Variants in PKIA observed in about 807,000 individuals in gnomAD.
PKIA encodes cAMP-dependent protein kinase inhibitor alpha, also known as PKI-alpha.
A neutral mutation model predicts 7.6 loss-of-function variants in PKIA; 4 were observed. The ratio of observed to expected loss-of-function variants is 0.52; its 90% CI spans 0.26 to 1.20. PKIA has a LOEUF of 1.20. Ranked by LOEUF, PKIA falls within the 50% of genes most tolerant of loss-of-function variation. The pLI, the probability that PKIA is intolerant of heterozygous loss-of-function variation, is 0.13. For missense variants in PKIA, 73 were observed against 86.2 expected, an observed-to-expected ratio of 0.85 and a Z score of 0.61; for synonymous variants, 21 against 30.7, an observed-to-expected ratio of 0.68 and a Z score of 1.04.
chr8:78,574,997 T>C (rs1180729122), intron 2 of PKIA, among the ~76,000 whole-genome samples: 1 of 151,988 alleles, frequency 6.6e-6, no homozygotes, highest in Non-Finnish European at 1.5e-5. Context: ...GAAAGTTCTC[T>C]AAGTACAAAA....
At chr8:78,575,870 T>C (rs768869945) in intron 2 of PKIA, among the ~76,000 whole-genome samples, 1 of 152,022 alleles carries the variant, frequency 6.6e-6, no homozygotes, top group Non-Finnish European at 1.5e-5. Flanking sequence ...ACAGAGTCTA[T>C]GGCTTCAGTA....
At chr8:78,572,465 T>C (rs989183357) in intron 1 of PKIA, among the ~76,000 whole-genome samples, 4 of 151,568 alleles carry the variant, frequency 2.6e-5, no homozygotes, top group Non-Finnish European at 2.9e-5. Flanking sequence ...AAAACTTGCC[T>C]TTTTTGCCCG....
intron 1 of PKIA, among the ~76,000 whole-genome samples, chr8:78,531,282 A>C (rs1449780311): frequency 1.3e-5 from 2 of 152,098 alleles, no homozygotes; most frequent in Non-Finnish European, 2.9e-5. Flanking sequence ...AAATAATATC[A>C]TGGCTTGAGA....
intron 1 of PKIA, among the ~76,000 whole-genome samples, chr8:78,562,078 A>AT (rs1296103561): frequency 5.9e-5 from 9 of 152,178 alleles, no homozygotes; most frequent in Admixed American, 2.6e-4. Flanking sequence ...CTTTTTCTAC[A>AT]TAAAACCTCT....
chr8:78,543,641 T>C (rs1806750428), intron 1 of PKIA, among the ~76,000 whole-genome samples: 1 of 152,182 alleles, frequency 6.6e-6, no homozygotes, highest in Non-Finnish European at 1.5e-5. Context: ...GCCTAGAGGC[T>C]GGTATGGTGG....
chr8:78,603,762 ACTTCT>A lies in PKIA; in HGVS notation c.*1947_*1951del, dbSNP rs1036322584. The A allele has an allele frequency of 1.4e-4, 21 of 152,088 alleles. No individual in the cohort carries two copies. Among genetic ancestry groups the A allele is most frequent in the African/African-American group, 4.6e-4 (19 of 41,534 alleles). 9.4% of individuals were successfully genotyped at this position (152,088 alleles called of 1,614,324 possible). Reference sequence around the variant, plus strand: ...TTTAATAGGTTTCTTGTGAATTTAAACTTCTCTTCTTTCTTAAGGTTGTGAAATTC... The same window carrying A: ...TTTAATAGGTTTCTTGTGAATTTAAACTTCTTTCTTAAGGTTGTGAAATTC... On this transcript the variant is annotated 3_prime_UTR_variant, in exon 4 of 4. Transcript: ENST00000396418.
chr8:78,573,363 A>C lies in PKIA; in HGVS notation c.-28+424A>C, dbSNP rs541064355. 1.8e-4 allele frequency among the ~76,000 whole-genome samples: 28 copies of C among 152,040 alleles called. No homozygotes were observed. The East Asian group carries it at 5.2e-3, about 28-fold the overall frequency. On this transcript the variant is annotated intron_variant, in intron 2 of 3. Coordinates refer to ENST00000396418, the MANE Select transcript of PKIA (RefSeq NM_006823.4). ...AACAGTCCTAATGAATGATGTAAGG[A>C]AGTTGTTTTGGTTCCTATGGGGCAC... is the stretch of plus-strand genomic sequence containing the variant.
intron 1 of PKIA, among the ~76,000 whole-genome samples, chr8:78,552,919 G>A (rs1314614344): frequency 6.6e-6 from 1 of 151,810 alleles, no homozygotes; most frequent in Non-Finnish European, 1.5e-5. Flanking sequence ...ATAAAGAAAG[G>A]AAGGCTCTTA....
At chr8:78,555,491 C>T (rs1807108086) in intron 1 of PKIA, among the ~76,000 whole-genome samples, 1 of 152,024 alleles carries the variant, frequency 6.6e-6, no homozygotes, top group African/African-American at 2.4e-5. Context: ...CAAGACTCAT[C>T]TTATAAGCCA....
intron 1 of PKIA, among the ~76,000 whole-genome samples, chr8:78,518,397 C>A (rs1430696798): frequency 1.3e-5 from 2 of 152,184 alleles, no homozygotes; most frequent in African/African-American, 2.4e-5. Flanking sequence ...CAACAACAAA[C>A]CCTGTATTCT....
chr8:78,536,399 A>T (rs1219352907), intron 1 of PKIA, among the ~76,000 whole-genome samples: 2 of 152,112 alleles, frequency 1.3e-5, no homozygotes, highest in Non-Finnish European at 2.9e-5. Flanking sequence ...ATAAAGGAAA[A>T]CCATCTGAGC....
intron 1 of PKIA, among the ~76,000 whole-genome samples, chr8:78,556,885 A>T (rs1563578226): frequency 6.6e-6 from 1 of 152,144 alleles, no homozygotes. Flanking sequence ...AGAAGCTGGC[A>T]GGAACGATAG....
chr8:78,543,728 A>G, intron 1 of PKIA, among the ~76,000 whole-genome samples: 1 of 152,176 alleles, frequency 6.6e-6, no homozygotes, highest in East Asian at 1.9e-4. Flanking sequence ...TTGTTTTCCA[A>G]TGCTAAAATC....
chr8:78,539,242 A>G (rs1314503575), intron 1 of PKIA, among the ~76,000 whole-genome samples: 1 of 152,096 alleles, frequency 6.6e-6, no homozygotes, highest in South Asian at 2.1e-4. Flanking sequence ...GAAAATGAAC[A>G]TGATAATTCT....
At chr8:78,575,264 G>T (rs987619739) in intron 2 of PKIA, among the ~76,000 whole-genome samples, 30 of 147,640 alleles carry the variant, frequency 2.0e-4, no homozygotes, top group African/African-American at 6.3e-4. Context: ...CTTTTCTCTG[G>T]TTCTTTTTTT....
At chr8:78,578,064 TTTATAGATGAC>T (rs1302858168) in intron 2 of PKIA, among the ~76,000 whole-genome samples, 2 of 152,090 alleles carry the variant, frequency 1.3e-5, no homozygotes, top group African/African-American at 4.8e-5. Flanking sequence ...TTTTAGTCAT[TTTATAGATGAC>T]TTATAGATGG....
chr8:78,520,788 AGGTG>A (rs1809401293), intron 1 of PKIA, among the ~76,000 whole-genome samples: 1 of 152,190 alleles, frequency 6.6e-6, no homozygotes, highest in Non-Finnish European at 1.5e-5. Flanking sequence ...ATACAAATGC[AGGTG>A]TTTGTGGATT....
chr8:78,590,730 G>A lies in PKIA; in HGVS notation c.-27-7628G>A, dbSNP rs184948898. 2.0e-3 allele frequency among the ~76,000 whole-genome samples: 310 copies of A among 151,616 alleles called. 1 individual carries two copies. Among genetic ancestry groups the A allele is most frequent in the Non-Finnish European group, 3.3e-3 (225 of 67,874 alleles). On this transcript the variant is annotated intron_variant, in intron 2 of 3. Transcript: ENST00000396418. ...TAATGGGTTTATTCATAGTATTTGA[G>A]GTGAATTAATACTTATTTAATTTTT...
chr8:78,534,751 A>T (rs1432226343), intron 1 of PKIA: 1 of 152,116 alleles, frequency 6.6e-6, no homozygotes. Flanking sequence ...GTATCATATT[A>T]AATGTAGATT....
Sources: allele counts gnomAD v4.1 joint callset (sites outside exome capture counted in the v4.1 genomes callset), GRCh38; gene constraint gnomAD v4.1.1; transcripts MANE v1.5; gene names NCBI Gene and HGNC (gene_info 2026-07-23, HGNC 2026-07-21).